HMCN2: variants seen among roughly 807,000 people sequenced by gnomAD.
HMCN2 encodes the protein hemicentin-2.
Under a neutral mutation model 377.5 loss-of-function variants are expected in HMCN2, and 325 were observed. The observed-to-expected ratio is 0.86, with a 90% confidence interval of 0.79 to 0.94. The LOEUF (loss-of-function observed/expected upper bound fraction) is 0.94, where lower values mean the gene tolerates loss of function less well. Among genes scored for constraint, HMCN2 ranks in the 40% least tolerant of loss-of-function variants. The pLI is 0.00. For synonymous variants in HMCN2, 2,007 were observed against 2,046.8 expected (o/e 0.98, Z 0.53); for missense variants, 4,543 against 4,725.3 (o/e 0.96, Z 1.13).
rs1419020263 is a variant in HMCN2, at chr9:130,269,472, C to T, written c.259+3335C>T. ...ATTTTTAACACACCGAGTGGGGGGA[C>T]GACTCTTCAGGTTGTTTTCCAGAAT... On this transcript the variant is annotated intron_variant, in intron 1 of 97. Transcript: ENST00000683500. Among the ~76,000 whole-genome samples, 11 of 147,660 alleles carry T rather than the reference C, an allele frequency of 7.4e-5. 1 individual carries two copies. The highest frequency in any genetic ancestry group is 7.3e-5 in the African/African-American group (3 of 41,066).
rs997415961 is a variant in HMCN2, at chr9:130,334,797, C to T, written c.3360-3097C>T. Among the ~76,000 whole-genome samples, 4 of 149,128 alleles carry T rather than the reference C, an allele frequency of 2.7e-5. No individual in the cohort carries two copies. The South Asian group carries it at 8.6e-4, about 32-fold the overall frequency. On this transcript the variant is annotated intron_variant, in intron 22 of 97. Coordinates refer to ENST00000683500, the MANE Select transcript of HMCN2 (RefSeq NM_001291815.2). ...TCTCTCTCCCTCTTCCTCTCTCTCT[C>T]TCTTCTCTCTCTCTCTCTCCTCTCT...
At position 130,393,507 on chromosome 9, in the gene HMCN2, C is replaced by T. The variant is rs1238291985; in HGVS notation, c.10234+198C>T. Among the ~76,000 whole-genome samples the T allele has an allele frequency of 6.6e-6, 1 of 152,194 alleles. No homozygotes were observed. Among genetic ancestry groups the T allele is most frequent in the Non-Finnish European group, 1.5e-5 (1 of 68,024 alleles). The stretch of plus-strand genomic sequence containing the variant: ...AGTGGCTGTGGGCACTCTGGTATGC[C>T]CAGGATAGGCGGGGGCAGAGAGGCA... On this transcript the variant is annotated intron_variant, in intron 67 of 97. Coordinates refer to ENST00000683500, the MANE Select transcript of HMCN2 (RefSeq NM_001291815.2). This position sits in a 1 kb window ranked among gnomAD's most constrained non-coding sequence, Gnocchi z 5.2.
Position 130,353,153 on chromosome 9 carries a change from G to A in HMCN2, c.4812G>A (p.Lys1604=). 2 of 1,304,162 alleles carry A rather than the reference G, an allele frequency of 1.5e-6. No homozygotes were observed. Among genetic ancestry groups the A allele is most frequent in the South Asian group, 1.2e-5 (1 of 81,022 alleles). The allele number at this position is 1,304,162 out of a possible 1,614,324, so 80.8% of individuals were successfully genotyped here. A position where few individuals can be genotyped will look rare whatever the true frequency, so the allele number is the denominator to read the frequency against. The change falls in exon 31 of 98, where the codon AAG becomes AAA. Residue 1604 remains lysine, a synonymous_variant. Coordinates refer to ENST00000683500, the MANE Select transcript of HMCN2 (RefSeq NM_001291815.2). The part of the protein sequence containing the change: ...QSSDAGVYTC[K]ASNAVGAAEK... ...CCGATGCCGGCGTCTACACCTGCAAGGCCAGCAATGCTGTGGGGGCCGCAG... is the reference window on the plus strand; with the variant it reads ...CCGATGCCGGCGTCTACACCTGCAAAGCCAGCAATGCTGTGGGGGCCGCAG...
Position 130,397,597 on chromosome 9 carries a change from C to T in HMCN2, c.11268C>T (p.Leu3756=). The T allele has an allele frequency of 7.8e-7, 1 of 1,289,872 alleles. No individual in the cohort carries two copies. Among genetic ancestry groups the T allele is most frequent in the Non-Finnish European group, 1.0e-6 (1 of 988,898 alleles). The allele number at this position is 1,289,872 out of a possible 1,614,324, so 79.9% of individuals were successfully genotyped here. ...TTGCCCAGGACGCCGGCCACTACCT[C>T]TGCCTGGCATCCAACTCTGCTGGCT... ...PVLAQDAGHY[L]CLASNSAGSD... is the part of the protein sequence containing the mutation. Residue 3756 remains leucine, a synonymous_variant, in exon 74 of 98, where the codon CTC becomes CTT. Transcript: ENST00000683500.
In HMCN2 at chr9:130,428,612, C is replaced by T; in HGVS notation, c.14197+123C>T. The T allele has an allele frequency of 1.5e-6, 2 of 1,325,060 alleles. No homozygotes were observed. Among genetic ancestry groups the T allele is most frequent in the Non-Finnish European group, 2.0e-6 (2 of 978,540 alleles). 82.1% of individuals were successfully genotyped at this position (1,325,060 alleles called of 1,614,324 possible). On this transcript the variant is annotated intron_variant, in intron 93 of 97. Transcript: ENST00000683500. The surrounding 1 kb of genome is among the most constrained non-coding windows in gnomAD (Gnocchi z 5.0). The stretch of plus-strand genomic sequence containing the variant: ...CTTCCAGGAAGACTGGGACTCTTGG[C>T]AGAAGGAGTACAGCAAGGCTGGGGA...
chr9:130,273,523 A>G (rs1244578984), intron 1 of HMCN2, among the ~76,000 whole-genome samples: 5 of 151,864 alleles, frequency 3.3e-5, no homozygotes, highest in Admixed American at 3.3e-4. Context: ...TTTGAGACTG[A>G]GTCTCACTCT....
In HMCN2 at chr9:130,349,534, C is replaced by G; in HGVS notation, c.4304-3C>G. 1 of 1,302,312 alleles carries G rather than the reference C, an allele frequency of 7.7e-7. No homozygotes were observed. The highest frequency in any genetic ancestry group is 1.0e-6 in the Non-Finnish European group (1 of 988,618). The allele number at this position is 1,302,312 out of a possible 1,614,324, so 80.7% of individuals were successfully genotyped here. A position where few individuals can be genotyped will look rare whatever the true frequency, so the allele number is the denominator to read the frequency against. On this transcript the variant is annotated splice_polypyrimidine_tract_variant and splice_region_variant and intron_variant, in intron 28 of 97. Coordinates refer to ENST00000683500, the MANE Select transcript of HMCN2 (RefSeq NM_001291815.2). ...CCCACCCCTCACGCCTTCTCACCCC[C>G]AGCCCCTCCTTCCGTGCTTGGAGCC...
rs920200225 is a variant in HMCN2, at chr9:130,351,367, G to A, written c.4431-56G>A. 19 of 1,246,954 alleles carry A rather than the reference G, an allele frequency of 1.5e-5. No individual in the cohort carries two copies. In the East Asian group the frequency reaches 1.8e-4, roughly 12 times the overall value. The allele number at this position is 1,246,954 out of a possible 1,614,324, so 77.2% of individuals were successfully genotyped here. ...AAGCCACACACTCCCTGTGTGCAGCGTGTCCCATCCAGCCCCTCGGCCTTA... is the reference window on the plus strand; with the variant it reads ...AAGCCACACACTCCCTGTGTGCAGCATGTCCCATCCAGCCCCTCGGCCTTA... On this transcript the variant is annotated intron_variant, in intron 29 of 97. Coordinates refer to ENST00000683500, the MANE Select transcript of HMCN2 (RefSeq NM_001291815.2). This position sits in a 1 kb window ranked among gnomAD's most constrained non-coding sequence, Gnocchi z 5.4.
In HMCN2 at chr9:130,418,806, G is replaced by T; in HGVS notation, c.12996G>T (p.Met4332Ile). 1 of 1,497,940 alleles carries T rather than the reference G, an allele frequency of 6.7e-7. No individual in the cohort carries two copies. The highest frequency in any genetic ancestry group is 1.3e-5 in the South Asian group (1 of 76,914). The allele number at this position is 1,497,940 out of a possible 1,614,324, so 92.8% of individuals were successfully genotyped here. The change falls in exon 86 of 98, where the codon ATG (methionine) becomes ATT (isoleucine). Residue 4332 changes from methionine (M) to isoleucine (I), a missense_variant. By Grantham distance (10) the Met-to-Ile change is conservative. Transcript: ENST00000683500. ...TGTTCCAGGTGGAGCCCCAGGACAT[G>T]ACAGTGAGATCTGGGGATGACGTGG... ...APVFQVEPQD[M>I]TVRSGDDVAL...
intron 48 of HMCN2, among the ~76,000 whole-genome samples, chr9:130,373,336 C>T (rs1244111025): frequency 1.3e-5 from 2 of 152,306 alleles, no homozygotes; most frequent in East Asian, 3.9e-4. Context: ...CACTACAGAC[C>T]TCAGCTTTCA....
At position 130,425,787 on chromosome 9, in the gene HMCN2, A is replaced by G. The variant is rs568826833; in HGVS notation, c.13742A>G (p.Asn4581Ser). 1.8e-4 allele frequency: 278 copies of G among 1,550,542 alleles called. 1 individual carries two copies. In the African/African-American group the frequency reaches 3.5e-3, roughly 20 times the overall value. ...QGGLPSFLRC[N>S]HSIQYNAARG... ...GGCCTCCCCTCGTTCCTACGCTGCA[A>G]CCACAGCATCCAGTACAACGCGGCC... Residue 4581 changes from asparagine (N) to serine (S), a missense_variant, in exon 90 of 98, where the codon AAC becomes AGC. Asn to Ser is a conservative substitution (Grantham distance 46). Transcript: ENST00000683500.
chr9:130,341,670 A>T (rs1564796592), intron 24 of HMCN2, among the ~76,000 whole-genome samples: 1 of 152,178 alleles, frequency 6.6e-6, no homozygotes, highest in Non-Finnish European at 1.5e-5. Flanking sequence ...GGGTGGACAG[A>T]GGCACCTGGA....
chr9:130,360,417 C>T lies in HMCN2; in HGVS notation c.5774-11C>T. ...TTCCTTTCCCCCTTGCATCTCTCTTCCTTTCCCCAGATGTCTCCTGGTTCA... is the reference window on the plus strand; with the variant it reads ...TTCCTTTCCCCCTTGCATCTCTCTTTCTTTCCCCAGATGTCTCCTGGTTCA... On this transcript the variant is annotated splice_polypyrimidine_tract_variant and intron_variant, in intron 37 of 97. Coordinates refer to ENST00000683500, the MANE Select transcript of HMCN2 (RefSeq NM_001291815.2). The surrounding 1 kb of genome is among the most constrained non-coding windows in gnomAD (Gnocchi z 4.7). 1 of 1,276,978 alleles carries T rather than the reference C, an allele frequency of 7.8e-7. No individual in the cohort carries two copies. Among genetic ancestry groups the T allele is most frequent in the Non-Finnish European group, 1.0e-6 (1 of 973,414 alleles). The allele number at this position is 1,276,978 out of a possible 1,614,324, so 79.1% of individuals were successfully genotyped here. A position where few individuals can be genotyped will look rare whatever the true frequency, so the allele number is the denominator to read the frequency against.
intron 26 of HMCN2, chr9:130,348,041 G>A (rs1006425435): frequency 2.0e-6 from 2 of 985,302 alleles, no homozygotes; most frequent in Non-Finnish European, 2.4e-6. Context: ...CACGGGCAGT[G>A]TGGGTGGGCT....
chr9:130,366,904 A>C (rs544287410), intron 43 of HMCN2, among the ~76,000 whole-genome samples: 1 of 151,546 alleles, frequency 6.6e-6, no homozygotes, highest in South Asian at 2.1e-4. Context: ...TAGGTGATAA[A>C]TGCTATGGAG....
rs954120133 is a variant in HMCN2 at position 130,394,886 on chromosome 9, C to T, written c.10693-141C>T. On this transcript the variant is annotated intron_variant, in intron 69 of 97. Transcript: ENST00000683500. This position sits in a 1 kb window ranked among gnomAD's most constrained non-coding sequence, Gnocchi z 5.1. ...GCAACAGTGAGATGGAGGGAGAGGG[C>T]GTGGGTTGGCTGGGAGGTGGATGGC... 1.4e-5 allele frequency: 6 copies of T among 438,216 alleles called. No homozygotes were observed. The highest frequency in any genetic ancestry group is 3.4e-5 in the Admixed American group (1 of 29,258). The allele number at this position is 438,216 out of a possible 1,614,324, so 27.1% of individuals were successfully genotyped here. A position where few individuals can be genotyped will look rare whatever the true frequency, so the allele number is the denominator to read the frequency against.
At position 130,292,272 on chromosome 9, in the gene HMCN2, T is replaced by C. The variant is rs558315916; in HGVS notation, c.613-2583T>C. Among the ~76,000 whole-genome samples the C allele has an allele frequency of 1.2e-4, 19 of 152,288 alleles. No homozygotes were observed. In the South Asian group the frequency reaches 3.9e-3, roughly 32 times the overall value. ...TGCGTTTTTGCCTTTATGACTCAAG[T>C]GGGTAATGTTCTCGCTCTGTGCGGA... On this transcript the variant is annotated intron_variant, in intron 4 of 97. Transcript: ENST00000683500.
rs114995551 is a variant in HMCN2, at chr9:130,406,520, C to T, written c.12553+352C>T. ...GCCCGTGGGGACTCTGTCCTCCTAC[C>T]GGAAACCCAGGTGATGTCTAGGGAG... On this transcript the variant is annotated intron_variant, in intron 82 of 97. Coordinates refer to ENST00000683500, the MANE Select transcript of HMCN2 (RefSeq NM_001291815.2). 3.7e-3 allele frequency: 990 copies of T among 265,092 alleles called. 7 individuals are homozygous for T. The highest frequency in any genetic ancestry group is 0.021 in the African/African-American group (936 of 45,428). The allele number at this position is 265,092 out of a possible 1,614,324, so 16.4% of individuals were successfully genotyped here.
In HMCN2 at chr9:130,390,116, G is replaced by A. The variant is rs886529128; in HGVS notation, c.9524-861G>A. 3.7e-4 allele frequency among the ~76,000 whole-genome samples: 57 copies of A among 152,292 alleles called. 1 individual carries two copies. The highest frequency in any genetic ancestry group is 1.3e-3 in the African/African-American group (55 of 41,570). On this transcript the variant is annotated intron_variant, in intron 62 of 97. Coordinates refer to ENST00000683500, the MANE Select transcript of HMCN2 (RefSeq NM_001291815.2). ...GGCTGCAGGCCCCACCTCCCTTTGC[G>A]TCCAGCTCTTGGCACATGTGTTCCC... is the stretch of plus-strand genomic sequence containing the variant.
Sources: gnomAD v4.1 joint callset for allele counts (sites outside exome capture counted in the v4.1 genomes callset) on GRCh38, gnomAD v4.1.1 for gene constraint, Gnocchi (gnomAD v3.1) non-coding constraint, MANE v1.5 for transcripts, NCBI Gene and HGNC (gene_info 2026-07-23, HGNC 2026-07-21) for gene names.